DACT1: variants seen among roughly 807,000 people sequenced by gnomAD.
DACT1 encodes the protein dishevelled binding antagonist of beta catenin 1.
DACT1 carries 19 observed loss-of-function variants against 35.3 expected under a neutral mutation model. That is an observed-to-expected ratio of 0.54 (90% CI 0.38 to 0.79). DACT1 has a LOEUF of 0.79. DACT1 is among the 30% of genes least tolerant of loss of function. The probability of loss-of-function intolerance (pLI) is 0.00; values close to 1 mark genes in which losing one functional copy is unlikely to be tolerated. For synonymous variants in DACT1, 545 were observed against 466.7 expected, an observed-to-expected ratio of 1.17 and a Z score of -2.16; for missense variants, 1,143 against 1,057.5, an observed-to-expected ratio of 1.08 and a Z score of -1.12.
At position 58,646,306 on chromosome 14, in the gene DACT1, G is replaced by C. The variant is rs201366999; in HGVS notation, c.1572G>C (p.Pro524=). 7.5e-6 allele frequency: 12 copies of C among 1,610,542 alleles called. No individual in the cohort carries two copies. The highest frequency in any genetic ancestry group is 6.6e-5 in the South Asian group (6 of 90,480). The change falls in exon 4 of 4, where the codon CCG becomes CCC. Residue 524 remains proline (P), a synonymous_variant. Coordinates refer to ENST00000395153, the MANE Select transcript of DACT1 (RefSeq NM_001079520.2). ...EAHLVKAQFI[P]GQQPSVRLHR... ...ACCTGGTCAAGGCCCAGTTTATCCC[G>C]GGGCAGCAGCCCAGTGTCAGGCTCC...
chr14:58,646,357 C>T lies in DACT1; in HGVS notation c.1623C>T (p.Val541=), dbSNP rs762191092. The T allele has an allele frequency of 1.7e-5, 27 of 1,606,304 alleles. No homozygotes were observed. In the East Asian group the frequency reaches 5.6e-4, roughly 33 times the overall value. Residue 541 remains valine, a synonymous_variant, in exon 4 of 4, where the codon GTC becomes GTT. Coordinates refer to ENST00000395153, the MANE Select transcript of DACT1 (RefSeq NM_001079520.2). The part of the protein sequence containing the change: ...RLHRGHRNMG[V]VKNSSLKHRG... ...ACCGGGGCCACAGGAACATGGGCGT[C>T]GTGAAGAACTCCAGCCTGAAGCACC...
chr14:58,641,053 T>G (rs1232750159), intron 2 of DACT1, among the ~76,000 whole-genome samples, 185 bp downstream of exon 2: 2 of 152,164 alleles, frequency 1.3e-5, no homozygotes, highest in South Asian at 2.1e-4. Context: ...GACAACAAAA[T>G]TTTTAGTAAT....
rs747881136 is a variant in DACT1, at chr14:58,646,568, G to A, written c.1834G>A (p.Gly612Arg). 9 of 1,563,488 alleles carry A rather than the reference G, an allele frequency of 5.8e-6. No individual in the cohort carries two copies. Among genetic ancestry groups the A allele is most frequent in the South Asian group, 4.7e-5 (4 of 85,864 alleles). The change falls in exon 4 of 4, where the codon GGG becomes AGG. Residue 612 changes from glycine (G) to arginine (R), a missense_variant. Around this residue, in one of 3 missense-constraint regions of DACT1, gnomAD observed 1,054 missense variants for 958.8 expected, o/e 1.10. Coordinates refer to ENST00000395153, the MANE Select transcript of DACT1 (RefSeq NM_001079520.2). Reference sequence around the variant, plus strand: ...TGGTGTTCCCGGCAGGCCCGCGGGCGGGGGCCACAGGGCGGGGAGCAGGGC... The same window carrying A: ...TGGTGTTCCCGGCAGGCCCGCGGGCAGGGGCCACAGGGCGGGGAGCAGGGC... ...EAGVPGRPAG[G>R]GHRAGSRAHG... is the part of the protein sequence containing the mutation.
rs2047671033 is a variant in DACT1 at position 58,645,840 on chromosome 14, C to G, written c.1106C>G (p.Pro369Arg). The stretch of plus-strand genomic sequence containing the variant: ...GCGTGTCTGCCCTCTGGCGGGATAC[C>G]TTCTCTGAACAATGGGACATTCTCC... Reference protein sequence around the residue: ...KQACLPSGGIPSLNNGTFSPP... With the variant: ...KQACLPSGGIRSLNNGTFSPP... The change falls in exon 4 of 4, where the codon CCT becomes CGT. Residue 369 changes from proline to arginine, a missense_variant. Coordinates refer to ENST00000395153, the MANE Select transcript of DACT1 (RefSeq NM_001079520.2). 6.2e-7 allele frequency: 1 copy of G among 1,614,134 alleles called. No individual in the cohort carries two copies. Among genetic ancestry groups the G allele is most frequent in the African/African-American group, 1.3e-5 (1 of 74,956 alleles).
In DACT1 at chr14:58,646,542, C is replaced by T. The variant is rs2047686511; in HGVS notation, c.1808C>T (p.Ala603Val). The T allele has an allele frequency of 1.3e-6, 2 of 1,556,316 alleles. No individual in the cohort carries two copies. The highest frequency in any genetic ancestry group is 1.7e-6 in the Non-Finnish European group (2 of 1,153,500). Residue 603 changes from alanine to valine, a missense_variant, in exon 4 of 4, where the codon GCT becomes GTT. Transcript: ENST00000395153. ...KGRKSGGGPE[A>V]GVPGRPAGGG... Reference sequence around the variant, plus strand: ...AGGAAGAGTGGGGGCGGGCCCGAGGCTGGTGTTCCCGGCAGGCCCGCGGGC... The same window carrying T: ...AGGAAGAGTGGGGGCGGGCCCGAGGTTGGTGTTCCCGGCAGGCCCGCGGGC...
chr14:58,638,080 C>T lies in DACT1; in HGVS notation c.-123C>T, dbSNP rs1338418279. ...ACTCGAGGGCTTCTAGCCACCGTCCCCGCCAGCGCCGCGCCCCGCCACAGG... is the reference window on the plus strand; with the variant it reads ...ACTCGAGGGCTTCTAGCCACCGTCCTCGCCAGCGCCGCGCCCCGCCACAGG... On this transcript the variant is annotated 5_prime_UTR_variant, in exon 1 of 4. Transcript: ENST00000395153. 5.2e-5 allele frequency: 56 copies of T among 1,072,802 alleles called. No homozygotes were observed. Among genetic ancestry groups the T allele is most frequent in the Non-Finnish European group, 6.6e-5 (56 of 854,414 alleles). The allele number at this position is 1,072,802 out of a possible 1,614,324, so 66.5% of individuals were successfully genotyped here.
At chr14:58,645,238 T>C in intron 3 of DACT1, 131 bp from the exon 4 acceptor site, 1 of 1,595,526 alleles carries the variant, frequency 6.3e-7, no homozygotes, top group Non-Finnish European at 8.6e-7. Context: ...CTTCAGAGTG[T>C]ACCTTTAACT....
chr14:58,636,628 C>T (rs2047574050), upstream of DACT1, among the ~76,000 whole-genome samples: 1 of 151,996 alleles, frequency 6.6e-6, no homozygotes, highest in South Asian at 2.1e-4. Context: ...AAGAGGAATT[C>T]CTAGCACGGG....
At position 58,641,608 on chromosome 14, in the gene DACT1, T is replaced by C. The variant is rs1004762150; in HGVS notation, c.495T>C (p.Ser165=). The C allele has an allele frequency of 2.4e-5, 39 of 1,613,972 alleles. No individual in the cohort carries two copies. In the Middle Eastern group the frequency reaches 8.2e-4, roughly 34 times the overall value. Reference sequence around the variant, plus strand: ...TATTTGTAGGGTTTTATGAGCTGAGTGATGGGGCTTCAGGATCCCTTTCCA... The same window carrying C: ...TATTTGTAGGGTTTTATGAGCTGAGCGATGGGGCTTCAGGATCCCTTTCCA... ...SRPSSGFYEL[S]DGASGSLSNS... The change falls in exon 3 of 4, where the codon AGT becomes AGC. Residue 165 remains serine (S), a synonymous_variant. Coordinates refer to ENST00000395153, the MANE Select transcript of DACT1 (RefSeq NM_001079520.2).
rs772524103 is a variant in DACT1 at position 58,646,656 on chromosome 14, G to T, written c.1922G>T (p.Arg641Leu). The change falls in exon 4 of 4, where the codon CGG (arginine) becomes CTG (leucine). Residue 641 changes from arginine (R) to leucine (L), a missense_variant. Arg to Leu is a moderately radical substitution (Grantham distance 102). This residue lies in a region of DACT1 where 1,054 missense variants were observed against 958.8 expected (regional missense o/e 1.10). Transcript: ENST00000395153. ...AAGCACAAGCGAACTGACTACCGGC[G>T]GTGGAAGTCCTCGGCCGAGATTTCC... is the stretch of plus-strand genomic sequence containing the variant. ...KPKHKRTDYRRWKSSAEISYE... is the reference protein window; with the variant it reads ...KPKHKRTDYRLWKSSAEISYE... 4.3e-6 allele frequency: 7 copies of T among 1,611,974 alleles called. No homozygotes were observed. The East Asian group carries it at 1.6e-4, about 36-fold the overall frequency.
In DACT1 at chr14:58,647,245, T is replaced by C. The variant is rs1438493579; in HGVS notation, c.*111T>C. 8 of 1,253,334 alleles carry C rather than the reference T, an allele frequency of 6.4e-6. No individual in the cohort carries two copies. The highest frequency in any genetic ancestry group is 8.9e-6 in the Non-Finnish European group (8 of 894,964). The allele number at this position is 1,253,334 out of a possible 1,614,324, so 77.6% of individuals were successfully genotyped here. A position where few individuals can be genotyped will look rare whatever the true frequency, so the allele number is the denominator to read the frequency against. On this transcript the variant is annotated 3_prime_UTR_variant, in exon 4 of 4. Coordinates refer to ENST00000395153, the MANE Select transcript of DACT1 (RefSeq NM_001079520.2). Reference sequence around the variant, plus strand: ...TATAATACTTTAATGGAATGCTTTTTAAAAAAATATAAAACCAAGGTAAAT... The same window carrying C: ...TATAATACTTTAATGGAATGCTTTTCAAAAAAATATAAAACCAAGGTAAAT...
chr14:58,641,918 G>C (rs1566507711), intron 3 of DACT1, among the ~76,000 whole-genome samples, 171 bp downstream of exon 3: 4 of 152,314 alleles, frequency 2.6e-5, no homozygotes, highest in South Asian at 4.1e-4. Flanking sequence ...TGAGTATCTA[G>C]AACTATTCCA....
At chr14:58,638,578 G>C (rs770552272) in intron 1 of DACT1, 31 bp downstream of exon 1, 6 of 1,317,226 alleles carry the variant, frequency 4.6e-6, no homozygotes, top group Non-Finnish European at 5.8e-6. Context: ...GAGCACGGCT[G>C]TTCCTGCCCA....
chr14:58,646,100 G>A lies in DACT1; in HGVS notation c.1366G>A (p.Gly456Ser). Residue 456 changes from glycine (G) to serine (S), a missense_variant, in exon 4 of 4, where the codon GGC becomes AGC. Gly to Ser is a moderately conservative substitution (Grantham distance 56). Coordinates refer to ENST00000395153, the MANE Select transcript of DACT1 (RefSeq NM_001079520.2). ...CTCTCCAAAAGAGAGTCCTAGCAGA[G>A]GCCCTGCCCCGCCGCAGGAGAACAA... The part of the protein sequence containing the change: ...GASPKESPSR[G>S]PAPPQENKVV... 1.2e-6 allele frequency: 2 copies of A among 1,612,736 alleles called. No individual in the cohort carries two copies. Among genetic ancestry groups the A allele is most frequent in the South Asian group, 1.1e-5 (1 of 90,910 alleles).
In DACT1 at chr14:58,646,343, A is replaced by C; in HGVS notation, c.1609A>C (p.Arg537=). ...QPSVRLHRGH[R]NMGVVKNSSL... ...CAGTGTCAGGCTCCACCGGGGCCAC[A>C]GGAACATGGGCGTCGTGAAGAACTC... The change falls in exon 4 of 4, where the codon AGG becomes CGG. Residue 537 remains arginine (R), a synonymous_variant. Coordinates refer to ENST00000395153, the MANE Select transcript of DACT1 (RefSeq NM_001079520.2). The C allele has an allele frequency of 6.2e-7, 1 of 1,608,362 alleles. No individual in the cohort carries two copies. Among genetic ancestry groups the C allele is most frequent in the Admixed American group, 1.7e-5 (1 of 57,702 alleles).
chr14:58,646,346 A>G lies in DACT1; in HGVS notation c.1612A>G (p.Asn538Asp), dbSNP rs1305240447. 3 of 1,607,618 alleles carry G rather than the reference A, an allele frequency of 1.9e-6. No individual in the cohort carries two copies. The highest frequency in any genetic ancestry group is 1.7e-5 in the Admixed American group (1 of 57,412). The change falls in exon 4 of 4, where the codon AAC becomes GAC. Residue 538 changes from asparagine (N) to aspartate (D), a missense_variant. Around this residue, in one of 3 missense-constraint regions of DACT1, gnomAD observed 1,054 missense variants for 958.8 expected, o/e 1.10. Transcript: ENST00000395153. ...TGTCAGGCTCCACCGGGGCCACAGG[A>G]ACATGGGCGTCGTGAAGAACTCCAG... ...PSVRLHRGHR[N>D]MGVVKNSSLK...
rs1244480510 is a variant in DACT1 at position 58,646,373 on chromosome 14, C to G, written c.1639C>G (p.Leu547Val). Residue 547 changes from leucine (L) to valine (V), a missense_variant, in exon 4 of 4, where the codon CTG (leucine) becomes GTG (valine). Coordinates refer to ENST00000395153, the MANE Select transcript of DACT1 (RefSeq NM_001079520.2). The stretch of plus-strand genomic sequence containing the variant: ...CATGGGCGTCGTGAAGAACTCCAGC[C>G]TGAAGCACCGCGGCCCAGCCCTCCA... The part of the protein sequence containing the change: ...RNMGVVKNSS[L>V]KHRGPALQGL... The G allele has an allele frequency of 6.2e-7, 1 of 1,605,008 alleles. No homozygotes were observed. The highest frequency in any genetic ancestry group is 8.5e-7 in the Non-Finnish European group (1 of 1,177,868).
chr14:58,638,704 G>C (rs148938592), intron 1 of DACT1, 157 bp downstream of exon 1: 5 of 1,192,696 alleles, frequency 4.2e-6, no homozygotes, highest in South Asian at 8.8e-5. Flanking sequence ...TCCCCTTCCT[G>C]AGTGCCCGCG....
At position 58,637,993 on chromosome 14, in the gene DACT1, C is replaced by T. The variant is rs1004270321; in HGVS notation, c.-210C>T. ...AGCTGCCGGGCCGCGGCGAGGGACGCGCGGCGACAGCGGACGGCGCTGCCC... is the reference window on the plus strand; with the variant it reads ...AGCTGCCGGGCCGCGGCGAGGGACGTGCGGCGACAGCGGACGGCGCTGCCC... On this transcript the variant is annotated 5_prime_UTR_variant, in exon 1 of 4. Transcript: ENST00000395153. The T allele has an allele frequency of 3.0e-6, 1 of 331,556 alleles. No homozygotes were observed. The highest frequency in any genetic ancestry group is 5.3e-5 in the Admixed American group (1 of 19,008). 20.5% of individuals were successfully genotyped at this position (331,556 alleles called of 1,614,324 possible). A position where few individuals can be genotyped will look rare whatever the true frequency, so the allele number is the denominator to read the frequency against.
Sources: gnomAD v4.1 joint callset for allele counts (sites outside exome capture counted in the v4.1 genomes callset) on GRCh38, gnomAD v4.1.1 for gene constraint, gnomAD v4.1.1 regional missense constraint, MANE v1.5 for transcripts, NCBI Gene and HGNC (gene_info 2026-07-23, HGNC 2026-07-21) for gene names.